Variants in PCDHGA2 observed in about 807,000 individuals in gnomAD.
PCDHGA2 encodes the protein protocadherin gamma-A2.
A neutral mutation model predicts 59.2 loss-of-function variants in PCDHGA2; 40 were observed. The ratio of observed to expected loss-of-function variants is 0.68; its 90% CI spans 0.52 to 0.88. PCDHGA2 has a LOEUF of 0.88. PCDHGA2 is among the 40% of genes least tolerant of loss of function. The pLI is 0.00. For synonymous variants in PCDHGA2, 560 were observed against 526.0 expected (o/e 1.06, Z -0.89); for missense variants, 1,226 against 1,204.0 (o/e 1.02, Z -0.27).
chr5:141,384,982 G>C, intron 1 of PCDHGA2: 1 of 1,614,144 alleles, frequency 6.2e-7, no homozygotes, highest in Non-Finnish European at 8.5e-7. Flanking sequence ...GTACCTGGTG[G>C]TGGCGGTGGC....
At chr5:141,415,476 G>A (rs765634887) in intron 1 of PCDHGA2, 1 of 1,614,076 alleles carries the variant, frequency 6.2e-7, no homozygotes. Context: ...CCGCGGACTC[G>A]CGAAAGAGTC....
intron 1 of PCDHGA2, among the ~76,000 whole-genome samples, chr5:141,373,358 T>C (rs1769516017): frequency 6.6e-6 from 1 of 152,204 alleles, no homozygotes; most frequent in Non-Finnish European, 1.5e-5. Flanking sequence ...TAATGGGCAC[T>C]GTAATGAATT....
chr5:141,365,864 G>A lies in PCDHGA2; in HGVS notation c.2424+24469G>A, dbSNP rs753111294. 9 of 1,614,004 alleles carry A rather than the reference G, an allele frequency of 5.6e-6. No individual in the cohort carries two copies. In the Admixed American group the frequency reaches 6.7e-5, roughly 12 times the overall value. ...CTATGTATCCATTAACTCTGACACC[G>A]GTGTCCTGTATGCTCTGAGATCCTT... is the stretch of plus-strand genomic sequence containing the variant. On this transcript the variant is annotated intron_variant, in intron 1 of 3. Coordinates refer to ENST00000394576, the MANE Select transcript of PCDHGA2 (RefSeq NM_018915.4).
At chr5:141,427,450 C>A in intron 1 of PCDHGA2, 1 of 486,442 alleles carries the variant, frequency 2.1e-6, no homozygotes, top group Non-Finnish European at 4.0e-6. Context: ...GAAAGAGTTC[C>A]TTTTAGAATC....
In PCDHGA2 at chr5:141,404,595, T is replaced by C. The variant is rs1035989165; in HGVS notation, c.2424+63200T>C. On this transcript the variant is annotated intron_variant, in intron 1 of 3. Transcript: ENST00000394576. ...CCACCACTTAGCAGCAATGTGTCAT[T>C]GAGACTGTTTGTTTTGGACCAGAAT... is the stretch of plus-strand genomic sequence containing the variant. 44 of 1,613,678 alleles carry C rather than the reference T, an allele frequency of 2.7e-5. No homozygotes were observed. Among genetic ancestry groups the C allele is most frequent in the Non-Finnish European group, 3.6e-5 (43 of 1,179,690 alleles).
At chr5:141,346,477 T>G (rs1757758102) in intron 1 of PCDHGA2, 4 of 1,613,540 alleles carry the variant, frequency 2.5e-6, no homozygotes, top group African/African-American at 1.3e-5. Flanking sequence ...TTTATTTCTT[T>G]GATTATTAAG....
chr5:141,415,649 A>C, intron 1 of PCDHGA2: 1 of 1,597,710 alleles, frequency 6.3e-7, no homozygotes, highest in Non-Finnish European at 8.5e-7. Context: ...GTTAAAAAAA[A>C]AAAGATTGGT....
At chr5:141,377,334 G>C (rs1046555445) in intron 1 of PCDHGA2, 3 of 152,142 alleles carry the variant, frequency 2.0e-5, no homozygotes, top group South Asian at 4.1e-4. Flanking sequence ...TAGCTAGCAT[G>C]GTGGTTCACG....
chr5:141,484,000 G>C (rs1425172275), intron 1 of PCDHGA2, among the ~76,000 whole-genome samples: 1 of 147,812 alleles, frequency 6.8e-6, no homozygotes, highest in Admixed American at 6.8e-5. Context: ...TGGGAGGTCT[G>C]GATGAGGGTG....
chr5:141,429,377 G>T (rs1029180912), intron 1 of PCDHGA2, among the ~76,000 whole-genome samples: 1 of 149,434 alleles, frequency 6.7e-6, no homozygotes, highest in African/African-American at 2.5e-5. Context: ...GAGAAAATGT[G>T]TTTTTTTTTT....
chr5:141,468,820 C>G (rs1055751689), intron 1 of PCDHGA2, among the ~76,000 whole-genome samples: 1 of 151,830 alleles, frequency 6.6e-6, no homozygotes, highest in Non-Finnish European at 1.5e-5. Context: ...GAGCCAAGAT[C>G]AAGCCACTGC....
rs549801775 is a variant in PCDHGA2 at position 141,419,346 on chromosome 5, T to C, written c.2425-75461T>C. The C allele has an allele frequency of 6.2e-7, 1 of 1,613,828 alleles. No individual in the cohort carries two copies. The highest frequency in any genetic ancestry group is 2.2e-5 in the East Asian group (1 of 44,886). ...TCCTACTCTCTCATTGCCAGCGACCTGGAGTCACGAACGCTGTCGTCCTAC... is the reference window on the plus strand; with the variant it reads ...TCCTACTCTCTCATTGCCAGCGACCCGGAGTCACGAACGCTGTCGTCCTAC... On this transcript the variant is annotated intron_variant, in intron 1 of 3. Coordinates refer to ENST00000394576, the MANE Select transcript of PCDHGA2 (RefSeq NM_018915.4).
At chr5:141,379,890 T>TTTTTTTTTTTTTTTTTTTTTTG (rs1776022019) in intron 1 of PCDHGA2, among the ~76,000 whole-genome samples, 1 of 25,360 alleles carries the variant, frequency 3.9e-5, no homozygotes, top group Non-Finnish European at 6.4e-5. Context: ...TGAAAGCCTC[T>TTTTTTTTTTTTTTTTTTTTTTG]TTTTTTTTTT....
intron 1 of PCDHGA2, chr5:141,376,411 C>CTTAGTT: frequency 1.9e-6 from 3 of 1,614,182 alleles, no homozygotes; most frequent in Non-Finnish European, 2.5e-6. Context: ...CCAACTATGC[C>CTTAGTT]GACACGCTTA....
At chr5:141,437,660 G>A (rs1021986333) in intron 1 of PCDHGA2, among the ~76,000 whole-genome samples, 6 of 151,866 alleles carry the variant, frequency 4.0e-5, no homozygotes, top group Non-Finnish European at 5.9e-5. Flanking sequence ...ACATAGTTTC[G>A]AAGAGATGTT....
chr5:141,429,760 C>A (rs1036499079), intron 1 of PCDHGA2, among the ~76,000 whole-genome samples: 1 of 152,020 alleles, frequency 6.6e-6, no homozygotes, highest in Non-Finnish European at 1.5e-5. Flanking sequence ...AATTTTTTCC[C>A]TATATTTTGA....
chr5:141,433,098 T>G, intron 1 of PCDHGA2: 1 of 1,614,204 alleles, frequency 6.2e-7, no homozygotes, highest in Non-Finnish European at 8.5e-7. Context: ...GACATGCTCG[T>G]CAGCCAGGAG....
chr5:141,384,898 A>G (rs982769749), intron 1 of PCDHGA2: 168 of 1,613,752 alleles, frequency 1.0e-4, no homozygotes, highest in Non-Finnish European at 1.3e-4. Flanking sequence ...TGTGGCTGAC[A>G]GCATCCCCGA....
chr5:141,491,071 C>A lies in PCDHGA2; in HGVS notation c.2425-3736C>A, dbSNP rs987564933. ...TGCGTGGCTCTCCTACTCACTGTTG[C>A]CACAGTCCACAGCCCCAGGACTGTT... On this transcript the variant is annotated intron_variant, in intron 1 of 3. Transcript: ENST00000394576. This position sits in a 1 kb window ranked among gnomAD's most constrained non-coding sequence, Gnocchi z 6.9. 2 of 1,614,034 alleles carry A rather than the reference C, an allele frequency of 1.2e-6. No individual in the cohort carries two copies. The highest frequency in any genetic ancestry group is 1.7e-6 in the Non-Finnish European group (2 of 1,180,036).
Sources: gnomAD v4.1 joint callset for allele counts (sites outside exome capture counted in the v4.1 genomes callset) on GRCh38, gnomAD v4.1.1 for gene constraint, Gnocchi (gnomAD v3.1) non-coding constraint, MANE v1.5 for transcripts, NCBI Gene and HGNC (gene_info 2026-07-23, HGNC 2026-07-21) for gene names.